Variants in LOC400499 observed in about 807,000 individuals in gnomAD.
the LOC400499 span, among the ~76,000 whole-genome samples, chr16:11,408,451 ATTTTTTT>A: frequency 1.5e-5 from 2 of 131,212 alleles, no homozygotes; most frequent in East Asian, 2.2e-4. Context: ...TCAGTGCAGG[ATTTTTTT>A]TTTTTTTTTT....
the LOC400499 span, among the ~76,000 whole-genome samples, chr16:11,468,950 G>C: frequency 2.6e-5 from 4 of 152,176 alleles, no homozygotes; most frequent in African/African-American, 4.8e-5. Flanking sequence ...GCATGTTTTT[G>C]TGTTATTAAT....
chr16:11,516,167 G>A, the LOC400499 span: 15 of 399,762 alleles, frequency 3.8e-5, no homozygotes, highest in African/African-American at 2.3e-4. Flanking sequence ...GGGGCTGTGG[G>A]CCCCTGGGTG....
At chr16:11,450,478 G>T in the LOC400499 span, 3 of 817,382 alleles carry the variant, frequency 3.7e-6, no homozygotes, top group Non-Finnish European at 3.8e-6. Context: ...TGCAGGCACT[G>T]GGAGGGCCAG....
the LOC400499 span, among the ~76,000 whole-genome samples, chr16:11,374,934 C>G: frequency 1.3e-5 from 2 of 151,686 alleles, no homozygotes; most frequent in South Asian, 4.2e-4. Context: ...CTGCAACCTC[C>G]GCCTCCCGGG....
the LOC400499 span, among the ~76,000 whole-genome samples, chr16:11,374,005 T>C: frequency 1.3e-5 from 2 of 152,208 alleles, no homozygotes; most frequent in African/African-American, 4.8e-5. Flanking sequence ...CTCTTTCTAC[T>C]ACATTCTGGT....
chr16:11,412,985 G>T, the LOC400499 span: 1 of 399,200 alleles, frequency 2.5e-6, no homozygotes, highest in Non-Finnish European at 4.4e-6. Flanking sequence ...AGATGTGTGG[G>T]TGTACATAGC....
the LOC400499 span, chr16:11,465,164 G>C: frequency 1.3e-5 from 2 of 152,180 alleles, no homozygotes; most frequent in Non-Finnish European, 2.9e-5. Context: ...GCTGCTATTT[G>C]TACCCTGGCT....
At chr16:11,496,482 T>C in the LOC400499 span, among the ~76,000 whole-genome samples, 10 of 152,354 alleles carry the variant, frequency 6.6e-5, no homozygotes, top group African/African-American at 1.9e-4. Context: ...TGTGTGCATA[T>C]TGGTGTGTGC....
chr16:11,470,394 C>G, the LOC400499 span, among the ~76,000 whole-genome samples: 2 of 152,188 alleles, frequency 1.3e-5, no homozygotes, highest in African/African-American at 4.8e-5. Flanking sequence ...CCCTGTGAGA[C>G]CAGGCTGAGG....
chr16:11,493,591 G>A, the LOC400499 span: 4 of 395,262 alleles, frequency 1.0e-5, no homozygotes, highest in Non-Finnish European at 1.8e-5. Flanking sequence ...ACTGTGGTTC[G>A]AGACCCACCA....
chr16:11,443,759 C>T, the LOC400499 span, among the ~76,000 whole-genome samples: 3 of 151,808 alleles, frequency 2.0e-5, no homozygotes, highest in Admixed American at 6.6e-5. Flanking sequence ...GACACACAGG[C>T]AAAAACAAGT....
At chr16:11,447,006 G>A in the LOC400499 span, 16 of 1,374,074 alleles carry the variant, frequency 1.2e-5, no homozygotes, top group Admixed American at 5.1e-5. Context: ...GGCCTGTCAC[G>A]AGCTTGCAGA....
the LOC400499 span, among the ~76,000 whole-genome samples, chr16:11,422,276 C>A: frequency 6.6e-6 from 1 of 152,082 alleles, no homozygotes; most frequent in Non-Finnish European, 1.5e-5. Context: ...GTGGTGGGCA[C>A]CTGTAATCCC....
At chr16:11,420,190 A>T in the LOC400499 span, among the ~76,000 whole-genome samples, 1 of 151,360 alleles carries the variant, frequency 6.6e-6, no homozygotes, top group Admixed American at 6.6e-5. Context: ...ACTTGGAACC[A>T]ACCCAAATGT....
chr16:11,496,887 AATGTGTGTGT>A, the LOC400499 span, among the ~76,000 whole-genome samples: 2 of 95,410 alleles, frequency 2.1e-5, no homozygotes, highest in East Asian at 2.9e-4. Flanking sequence ...TGTATGCCTC[AATGTGTGTGT>A]GTGTGTGTGT....
the LOC400499 span, among the ~76,000 whole-genome samples, chr16:11,522,419 G>T: frequency 2.0e-5 from 3 of 152,320 alleles, no homozygotes; most frequent in Non-Finnish European, 2.9e-5. Flanking sequence ...TTCTGTTTGT[G>T]AGGGCTGTCC....
the LOC400499 span, chr16:11,514,636 G>C: frequency 2.5e-6 from 1 of 398,724 alleles, no homozygotes; most frequent in African/African-American, 2.1e-5. Context: ...GGACACATCA[G>C]AGCTGTAGAC....
At chr16:11,481,556 C>G in the LOC400499 span, among the ~76,000 whole-genome samples, 1 of 152,220 alleles carries the variant, frequency 6.6e-6, no homozygotes, top group South Asian at 2.1e-4. Context: ...CTCCTCATCT[C>G]AGGCAATCTG....
At chr16:11,495,010 ACC>A in the LOC400499 span, among the ~76,000 whole-genome samples, 1 of 152,176 alleles carries the variant, frequency 6.6e-6, no homozygotes, top group African/African-American at 2.4e-5. Flanking sequence ...GGAGTTCGAG[ACC>A]AGCCTGGCCA....
Sources: allele counts gnomAD v4.1 joint callset (sites outside exome capture counted in the v4.1 genomes callset), GRCh38; gene constraint gnomAD v4.1.1; transcripts MANE v1.5.